Variants in SLC24A2 observed in about 807,000 individuals in gnomAD.
The protein encoded by SLC24A2 is solute carrier family 24 member 2, also known as sodium/potassium/calcium exchanger 2.
A neutral mutation model predicts 62.0 loss-of-function variants in SLC24A2; 36 were observed. That is an observed-to-expected ratio of 0.58 (90% CI 0.44 to 0.77). SLC24A2 has a LOEUF of 0.77. Among genes scored for constraint, SLC24A2 ranks in the 30% least tolerant of loss-of-function variants. The probability of loss-of-function intolerance (pLI) is 0.00; values close to 1 mark genes in which losing one functional copy is unlikely to be tolerated. For synonymous variants in SLC24A2, 358 were observed against 294.0 expected, an observed-to-expected ratio of 1.22 and a Z score of -2.23; for missense variants, 846 against 817.9, an observed-to-expected ratio of 1.03 and a Z score of -0.42.
intron 2 of SLC24A2, among the ~76,000 whole-genome samples, chr9:19,735,714 T>C (rs1324704824): frequency 2.0e-5 from 3 of 152,104 alleles, no homozygotes; most frequent in Non-Finnish European, 4.4e-5. Context: ...TGTAGGGACA[T>C]GGATGAAGCT....
rs781017847 is a variant in SLC24A2 at position 19,545,536 on chromosome 9, C to T, written c.1479+4601G>A. Among the ~76,000 whole-genome samples the T allele has an allele frequency of 1.8e-4, 27 of 152,116 alleles. No individual in the cohort carries two copies. The South Asian group carries it at 2.7e-3, about 15-fold the overall frequency. ...TTTTGGAATTTTCAGCCTTTTTGCG[C>T]GGGTTTCTCCCCATCTTAGTGAATT... is the stretch of plus-strand genomic sequence containing the variant. On this transcript the variant is annotated intron_variant, in intron 8 of 10. Coordinates refer to ENST00000341998, the MANE Select transcript of SLC24A2 (RefSeq NM_020344.4).
chr9:20,102,125 T>C, the SLC24A2 span, among the ~76,000 whole-genome samples: 1 of 152,184 alleles, frequency 6.6e-6, no homozygotes, highest in African/African-American at 2.4e-5. Flanking sequence ...GAGTCCCTAG[T>C]TCTCCCTATT....
chr9:19,933,466 CCATT>C, the SLC24A2 span, among the ~76,000 whole-genome samples: 3,139 of 152,070 alleles, frequency 0.021, 57 homozygotes, highest in African/African-American at 0.042. Flanking sequence ...ATTCTTAGTT[CCATT>C]CATTCATTCA....
intron 2 of SLC24A2, among the ~76,000 whole-genome samples, chr9:19,694,907 C>A (rs1019296739): frequency 6.6e-6 from 1 of 151,878 alleles, no homozygotes; most frequent in Non-Finnish European, 1.5e-5. Flanking sequence ...GTACTAGGCC[C>A]CTCATCAAGT....
At chr9:20,240,264 C>G in the SLC24A2 span, among the ~76,000 whole-genome samples, 1 of 152,146 alleles carries the variant, frequency 6.6e-6, no homozygotes, top group Non-Finnish European at 1.5e-5. Context: ...ATTTGTTTTT[C>G]CATCTTCAAA....
chr9:19,878,662 T>G, the SLC24A2 span, among the ~76,000 whole-genome samples: 2 of 151,990 alleles, frequency 1.3e-5, no homozygotes, highest in Non-Finnish European at 2.9e-5. Flanking sequence ...CACCTCCTCC[T>G]ATCTCTCTCT....
the SLC24A2 span, among the ~76,000 whole-genome samples, chr9:20,300,493 T>C: frequency 6.6e-6 from 1 of 152,198 alleles, no homozygotes. Context: ...CCCTTTGTGT[T>C]AAAATCATGC....
chr9:20,161,303 C>A, the SLC24A2 span, among the ~76,000 whole-genome samples: 1 of 151,272 alleles, frequency 6.6e-6, no homozygotes, highest in South Asian at 2.1e-4. Context: ...TCTAATAGAT[C>A]TTTAAAGACG....
At chr9:20,045,260 A>G in the SLC24A2 span, among the ~76,000 whole-genome samples, 3 of 152,272 alleles carry the variant, frequency 2.0e-5, no homozygotes, top group East Asian at 5.8e-4. Context: ...TCGCATTAAT[A>G]AACACAGAAT....
intron 2 of SLC24A2, among the ~76,000 whole-genome samples, chr9:19,663,176 C>T (rs1436877715): frequency 6.6e-6 from 1 of 152,136 alleles, no homozygotes; most frequent in Non-Finnish European, 1.5e-5. Flanking sequence ...GGGGCTGCTA[C>T]CCACATTTTA....
the SLC24A2 span, among the ~76,000 whole-genome samples, chr9:20,046,291 A>C: frequency 6.6e-6 from 1 of 152,210 alleles, no homozygotes. Flanking sequence ...TTCTGAAGTA[A>C]GTAAGGAAAG....
the SLC24A2 span, among the ~76,000 whole-genome samples, chr9:19,852,196 G>T: frequency 6.6e-6 from 1 of 151,952 alleles, no homozygotes; most frequent in African/African-American, 2.4e-5. Context: ...TTGTAAATTT[G>T]TTTAAGTTCC....
rs1180537691 is a variant in SLC24A2 at position 19,786,163 on chromosome 9, C to T, written c.704G>A (p.Trp235Ter). ...AGACACATCTCGAAAGAGCGGCCACCATGTCAGGTTTAAGATTTCTCTAGA... is the reference window on the plus strand; with the variant it reads ...AGACACATCTCGAAAGAGCGGCCACTATGTCAGGTTTAAGATTTCTCTAGA... Reference protein sequence around the residue: ...LFSREILNLTWWPLFRDVSFY... With the variant: ...LFSREILNLT The change falls in exon 2 of 11, where the codon TGG becomes TAG. Residue 235 changes from tryptophan to a stop codon, truncating the protein, a stop_gained. Coordinates refer to ENST00000341998, the MANE Select transcript of SLC24A2 (RefSeq NM_020344.4). LOFTEE classifies it high-confidence loss of function. This position sits in a 1 kb window ranked among gnomAD's most constrained non-coding sequence, Gnocchi z 5.0. The T allele has an allele frequency of 6.2e-7, 1 of 1,614,054 alleles. No homozygotes were observed. Among genetic ancestry groups the T allele is most frequent in the Non-Finnish European group, 8.5e-7 (1 of 1,180,056 alleles).
rs146540319 is a variant in SLC24A2, at chr9:19,697,366, G to C, written c.931-75067C>G. On this transcript the variant is annotated intron_variant, in intron 2 of 10. Transcript: ENST00000341998. ...TTCAGGTGATGGGTTGATCTGTGCA[G>C]CAAATCACCATGGCACATGCTTACC... Among the ~76,000 whole-genome samples, 315 of 152,248 alleles carry C rather than the reference G, an allele frequency of 2.1e-3. 2 individuals carry two copies. Among genetic ancestry groups the C allele is most frequent in the East Asian group, 0.014 (74 of 5,178 alleles).
the SLC24A2 span, among the ~76,000 whole-genome samples, chr9:20,163,660 G>A: frequency 1.6e-4 from 25 of 152,224 alleles, no homozygotes; most frequent in South Asian, 8.3e-4. Flanking sequence ...CCACAAAAGA[G>A]CCCGCATCAC....
intron 2 of SLC24A2, among the ~76,000 whole-genome samples, chr9:19,785,682 G>A (rs572690451): frequency 6.6e-6 from 1 of 152,292 alleles, no homozygotes; most frequent in South Asian, 2.1e-4. Context: ...GCTTTGGGAG[G>A]CTTATGTAAC....
the SLC24A2 span, among the ~76,000 whole-genome samples, chr9:20,164,264 A>G: frequency 2.0e-5 from 3 of 151,880 alleles, no homozygotes; most frequent in East Asian, 1.9e-4. Context: ...AGAATCTACA[A>G]TGAACTCAAA....
the SLC24A2 span, among the ~76,000 whole-genome samples, chr9:20,154,931 G>A: frequency 1.3e-5 from 2 of 151,708 alleles, no homozygotes; most frequent in African/African-American, 2.4e-5. Flanking sequence ...TAAGGCCAGA[G>A]GGGTAAGGAA....
the SLC24A2 span, among the ~76,000 whole-genome samples, chr9:20,001,191 A>T: frequency 9.2e-5 from 14 of 152,208 alleles, no homozygotes; most frequent in Non-Finnish European, 1.8e-4. Context: ...TGCGCCACAC[A>T]TCCTGTCCTC....
Sources: gnomAD v4.1 joint callset for allele counts (sites outside exome capture counted in the v4.1 genomes callset) on GRCh38, gnomAD v4.1.1 for gene constraint, Gnocchi (gnomAD v3.1) non-coding constraint, MANE v1.5 for transcripts, NCBI Gene and HGNC (gene_info 2026-07-23, HGNC 2026-07-21) for gene names.